GRM1: variants seen among roughly 807,000 people sequenced by gnomAD.
The protein encoded by GRM1 is glutamate metabotropic receptor 1.
GRM1 carries 33 observed loss-of-function variants against 90.9 expected under a neutral mutation model. The observed-to-expected ratio is 0.36, with a 90% CI of 0.28 to 0.49. The LOEUF (loss-of-function observed/expected upper bound fraction) is 0.49. GRM1 is among the 20% of genes least tolerant of loss of function. GRM1 has a pLI of 0.99. For missense variants in GRM1, 1,190 were observed against 1,534.3 expected (o/e 0.78, Z 3.75); for synonymous variants, 700 against 613.2 (o/e 1.14, Z -2.09).
chr6:146,151,674 T>G (rs1777341447), intron 1 of GRM1, among the ~76,000 whole-genome samples: 1 of 152,188 alleles, frequency 6.6e-6, no homozygotes, highest in Admixed American at 6.6e-5. Context: ...TAATTATGTC[T>G]GACTTTTCAA....
chr6:146,162,608 C>A (rs1233090248), intron 2 of GRM1, among the ~76,000 whole-genome samples: 2 of 152,082 alleles, frequency 1.3e-5, no homozygotes, highest in Non-Finnish European at 2.9e-5. Context: ...TCACTCATCA[C>A]CTCACATGCC....
chr6:146,159,290 G>A, intron 1 of GRM1, 58 bp from the exon 2 acceptor site: 1 of 1,606,964 alleles, frequency 6.2e-7, no homozygotes, highest in Non-Finnish European at 8.5e-7. Flanking sequence ...TTATTCCATT[G>A]TGTAAGTAGT....
chr6:146,186,643 C>T (rs1267670924), intron 2 of GRM1, among the ~76,000 whole-genome samples: 3 of 152,060 alleles, frequency 2.0e-5, no homozygotes, highest in Non-Finnish European at 1.5e-5. Flanking sequence ...CAGTTTCTTC[C>T]CTACGTACTG....
chr6:146,146,930 C>T (rs1777131888), intron 1 of GRM1, among the ~76,000 whole-genome samples: 1 of 152,160 alleles, frequency 6.6e-6, no homozygotes, highest in Admixed American at 6.5e-5. Context: ...TTTGACCCTC[C>T]ATTGTTACCA....
intron 2 of GRM1, among the ~76,000 whole-genome samples, chr6:146,175,022 C>T (rs1778288734): frequency 6.6e-6 from 1 of 152,102 alleles, no homozygotes; most frequent in Non-Finnish European, 1.5e-5. Flanking sequence ...GAGGGGAGAA[C>T]ATCACAGTCT....
intron 2 of GRM1, among the ~76,000 whole-genome samples, chr6:146,162,545 T>C (rs1017638015): frequency 1.3e-5 from 2 of 152,216 alleles, no homozygotes; most frequent in African/African-American, 2.4e-5. Context: ...CTTGGCCATC[T>C]AGTCTTAACA....
chr6:146,222,414 T>C (rs955199626), intron 2 of GRM1, among the ~76,000 whole-genome samples: 3 of 152,174 alleles, frequency 2.0e-5, no homozygotes, highest in Non-Finnish European at 2.9e-5. Flanking sequence ...TGTGTCTGTG[T>C]GTGTATGTGT....
chr6:146,052,020 A>T (rs973541901), intron 1 of GRM1, among the ~76,000 whole-genome samples: 1 of 152,068 alleles, frequency 6.6e-6, no homozygotes, highest in Non-Finnish European at 1.5e-5. Context: ...GATATATCTT[A>T]TATCTCTTCT....
intron 1 of GRM1, among the ~76,000 whole-genome samples, chr6:146,082,702 T>A (rs1417328510): frequency 6.6e-6 from 1 of 152,198 alleles, no homozygotes; most frequent in African/African-American, 2.4e-5. Context: ...CTCCAACAGC[T>A]AGAACTGGCA....
At chr6:146,404,731 A>G (rs2114604080) in intron 7 of GRM1, among the ~76,000 whole-genome samples, 1 of 152,330 alleles carries the variant, frequency 6.6e-6, no homozygotes, top group Middle Eastern at 3.4e-3. Flanking sequence ...CAAGAAGAGT[A>G]TAGAATATAG....
intron 2 of GRM1, among the ~76,000 whole-genome samples, chr6:146,243,129 C>CATGA (rs1167540073): frequency 1.3e-5 from 2 of 152,078 alleles, no homozygotes; most frequent in Non-Finnish European, 2.9e-5. Context: ...GAATGCAAGC[C>CATGA]ATGAATTTAT....
intron 3 of GRM1, among the ~76,000 whole-genome samples, chr6:146,309,670 C>T (rs1446002106): frequency 2.0e-5 from 3 of 151,890 alleles, no homozygotes; most frequent in Non-Finnish European, 4.4e-5. Flanking sequence ...CTTATGTTGT[C>T]AGTCATTTAG....
chr6:146,053,659 G>C (rs1206198171), intron 1 of GRM1, among the ~76,000 whole-genome samples: 1 of 151,996 alleles, frequency 6.6e-6, no homozygotes, highest in South Asian at 2.1e-4. Flanking sequence ...CCAGTTCTTG[G>C]TCCAGGGCTC....
intron 1 of GRM1, among the ~76,000 whole-genome samples, chr6:146,138,502 C>T (rs767019255): frequency 2.0e-5 from 3 of 152,098 alleles, no homozygotes; most frequent in Non-Finnish European, 4.4e-5. Context: ...AAGCCATCAG[C>T]TCCCAGGCTT....
chr6:146,336,944 G>A (rs1784792054), intron 3 of GRM1, among the ~76,000 whole-genome samples: 1 of 152,228 alleles, frequency 6.6e-6, no homozygotes, highest in African/African-American at 2.4e-5. Flanking sequence ...ACCCTCAGGT[G>A]TTTGTGTCTG....
chr6:146,254,854 C>T lies in GRM1; in HGVS notation c.951-49757C>T, dbSNP rs117276415. On this transcript the variant is annotated intron_variant, in intron 2 of 7. Transcript: ENST00000282753. The stretch of plus-strand genomic sequence containing the variant: ...CCCCTTTATTTTGCCTCCCACTCTC[C>T]CATGAAATAAAATCACAGTCAGTGA... Among the ~76,000 whole-genome samples the T allele has an allele frequency of 7.4e-3, 1,130 of 152,228 alleles. 2 individuals are homozygous for T. Among genetic ancestry groups the T allele is most frequent in the Middle Eastern group, 0.014 (4 of 294 alleles).
chr6:146,290,074 A>G (rs1234696212), intron 2 of GRM1, among the ~76,000 whole-genome samples: 1 of 152,212 alleles, frequency 6.6e-6, no homozygotes, highest in Non-Finnish European at 1.5e-5. Flanking sequence ...TAAAATTAGG[A>G]GAATAACTGT....
intron 2 of GRM1, among the ~76,000 whole-genome samples, chr6:146,162,821 C>T (rs1020491662): frequency 1.5e-5 from 2 of 130,512 alleles, no homozygotes; most frequent in Non-Finnish European, 3.0e-5. Flanking sequence ...AATGAAAAAA[C>T]AAAACAAAAC....
At chr6:146,161,561 T>G (rs1422162116) in intron 2 of GRM1, among the ~76,000 whole-genome samples, 2 of 152,134 alleles carry the variant, frequency 1.3e-5, no homozygotes, top group African/African-American at 2.4e-5. Flanking sequence ...CTGCCCCACC[T>G]CTACTGGATT....
Sources: allele counts gnomAD v4.1 joint callset (sites outside exome capture counted in the v4.1 genomes callset), GRCh38; gene constraint gnomAD v4.1.1; transcripts MANE v1.5; gene names NCBI Gene and HGNC (gene_info 2026-07-23, HGNC 2026-07-21).